The following IFT57 variants were observed in gnomAD, a reference collection of about 807,000 sequenced individuals.
IFT57 encodes the protein intraflagellar transport 57, also known as intraflagellar transport protein 57 homolog.
IFT57 carries 59 observed loss-of-function variants against 56.8 expected under a neutral mutation model. The ratio of observed to expected loss-of-function variants is 1.04; its 90% confidence interval spans 0.84 to 1.29. IFT57 has a LOEUF of 1.29. Among genes scored for constraint, IFT57 ranks in the 50% most tolerant of loss-of-function variants. The pLI, the probability that IFT57 is intolerant of heterozygous loss-of-function variation, is 0.00. For missense variants in IFT57, 470 were observed against 522.1 expected (o/e 0.90, Z 0.97); for synonymous variants, 209 against 186.1 (o/e 1.12, Z -1.00).
intron 6 of IFT57, among the ~76,000 whole-genome samples, chr3:108,188,803 G>T (rs1313542553): frequency 6.6e-6 from 1 of 152,176 alleles, no homozygotes; most frequent in South Asian, 2.1e-4. Context: ...TTGTAAAAGA[G>T]TGTGTGTTAG....
At chr3:108,192,174 C>CAA (rs11347289) in intron 5 of IFT57, among the ~76,000 whole-genome samples, 177 of 74,606 alleles carry the variant, frequency 2.4e-3, no homozygotes, top group East Asian at 3.6e-3. Flanking sequence ...GACTCTGTCT[C>CAA]AAAAAAAAAA....
At chr3:108,186,599 T>C (rs775964824) in intron 6 of IFT57, among the ~76,000 whole-genome samples, 14 of 152,114 alleles carry the variant, frequency 9.2e-5, no homozygotes, top group Non-Finnish European at 1.9e-4. Flanking sequence ...TTAAACCAAA[T>C]TGCGGAAGAA....
intron 6 of IFT57, among the ~76,000 whole-genome samples, chr3:108,182,975 G>C (rs17829572): frequency 0.08 from 12,147 of 152,094 alleles, 587 homozygotes; most frequent in Middle Eastern, 0.11. Flanking sequence ...ATTAAAGCAT[G>C]TTAGAACATT....
In IFT57 at chr3:108,165,550, C is replaced by T. The variant is rs113181529; in HGVS notation, c.982-57G>A. 7.3e-5 allele frequency: 98 copies of T among 1,340,440 alleles called. 1 individual carries two copies. The highest frequency in any genetic ancestry group is 7.1e-4 in the East Asian group (31 of 43,468). 83.0% of individuals were successfully genotyped at this position (1,340,440 alleles called of 1,614,324 possible). On this transcript the variant is annotated intron_variant, in intron 8 of 10. Transcript: ENST00000264538. The stretch of plus-strand genomic sequence containing the variant: ...ATTCAAAGCAGCAGCAGATTAAATA[C>T]GACTGACCTCTTTGTGTTTGCAATT...
intron 6 of IFT57, among the ~76,000 whole-genome samples, chr3:108,188,995 C>A (rs1333573042): frequency 6.6e-6 from 1 of 152,080 alleles, no homozygotes; most frequent in Non-Finnish European, 1.5e-5. Flanking sequence ...TCCAACTATA[C>A]AATTATTTTA....
At position 108,214,155 on chromosome 3, in the gene IFT57, T is replaced by C. The variant is rs776102295; in HGVS notation, c.495-134A>G. On this transcript the variant is annotated intron_variant, in intron 3 of 10. Coordinates refer to ENST00000264538, the MANE Select transcript of IFT57 (RefSeq NM_018010.4). ...CCGCTTCCATAATCACTGTTAAATGTTTCATGTATTTTTCCTAAAACTTTC... is the reference window on the plus strand; with the variant it reads ...CCGCTTCCATAATCACTGTTAAATGCTTCATGTATTTTTCCTAAAACTTTC... 127 of 539,908 alleles carry C rather than the reference T, an allele frequency of 2.4e-4. 1 individual carries two copies. The highest frequency in any genetic ancestry group is 3.7e-4 in the Non-Finnish European group (115 of 310,024). The allele number at this position is 539,908 out of a possible 1,614,324, so 33.4% of individuals were successfully genotyped here. A position where few individuals can be genotyped will look rare whatever the true frequency, so the allele number is the denominator to read the frequency against.
chr3:108,203,050 A>C (rs1186283936), intron 5 of IFT57, among the ~76,000 whole-genome samples: 5 of 152,254 alleles, frequency 3.3e-5, no homozygotes, highest in Admixed American at 3.3e-4. Flanking sequence ...CTTTCAAGGA[A>C]GATCTTGCTG....
intron 6 of IFT57, among the ~76,000 whole-genome samples, chr3:108,184,848 G>A (rs749157762): frequency 6.6e-6 from 1 of 152,074 alleles, no homozygotes; most frequent in Non-Finnish European, 1.5e-5. Context: ...TTCATGTTTA[G>A]TGCAATATCT....
intron 6 of IFT57, among the ~76,000 whole-genome samples, chr3:108,173,194 A>G (rs1370760972): frequency 3.3e-5 from 5 of 151,878 alleles, no homozygotes; most frequent in Non-Finnish European, 1.5e-5. Flanking sequence ...TACTGTTTTT[A>G]TAAATCTGGA....
chr3:108,201,038 A>AT (rs1230367721), intron 5 of IFT57, among the ~76,000 whole-genome samples: 1 of 152,212 alleles, frequency 6.6e-6, no homozygotes, highest in Non-Finnish European at 1.5e-5. Flanking sequence ...AGGTTAGGTT[A>AT]TAATAATCTC....
rs1178668023 is a variant in IFT57, at chr3:108,161,136, G to A, written c.*1341C>T. ...CCAGGACCAAAGGTTTTCAGTTTTTGTATTAGACTCCTCCCAAAGACCACA... is the reference window on the plus strand; with the variant it reads ...CCAGGACCAAAGGTTTTCAGTTTTTATATTAGACTCCTCCCAAAGACCACA... On this transcript the variant is annotated 3_prime_UTR_variant, in exon 11 of 11. Coordinates refer to ENST00000264538, the MANE Select transcript of IFT57 (RefSeq NM_018010.4). The A allele has an allele frequency of 6.6e-6, 1 of 151,924 alleles. No homozygotes were observed. Among genetic ancestry groups the A allele is most frequent in the Non-Finnish European group, 1.5e-5 (1 of 67,972 alleles). 9.4% of individuals were successfully genotyped at this position (151,924 alleles called of 1,614,324 possible). A position where few individuals can be genotyped will look rare whatever the true frequency, so the allele number is the denominator to read the frequency against.
chr3:108,221,404 T>C (rs1277154516), intron 1 of IFT57, among the ~76,000 whole-genome samples: 4 of 152,234 alleles, frequency 2.6e-5, no homozygotes. Flanking sequence ...AGTAATGGCA[T>C]TGCTTTCAGG....
At chr3:108,170,823 A>G (rs933386831) in intron 6 of IFT57, among the ~76,000 whole-genome samples, 1 of 152,046 alleles carries the variant, frequency 6.6e-6, no homozygotes, top group Non-Finnish European at 1.5e-5. Flanking sequence ...AATGGAACAG[A>G]ATAGAGACCT....
chr3:108,167,373 G>T (rs1223453289), intron 7 of IFT57, among the ~76,000 whole-genome samples: 1 of 151,786 alleles, frequency 6.6e-6, no homozygotes, highest in Admixed American at 6.6e-5. Context: ...CTCTAGCCTG[G>T]GACACATAAC....
chr3:108,191,042 C>T (rs112298478), intron 6 of IFT57, among the ~76,000 whole-genome samples: 2 of 152,286 alleles, frequency 1.3e-5, no homozygotes, highest in Admixed American at 6.5e-5. Flanking sequence ...TTGCCCACCT[C>T]GGCCTCCCAA....
intron 5 of IFT57, among the ~76,000 whole-genome samples, chr3:108,196,614 A>T (rs1281284482): frequency 6.6e-6 from 1 of 152,216 alleles, no homozygotes; most frequent in Non-Finnish European, 1.5e-5. Flanking sequence ...TCCCTTAAGC[A>T]ACGATTTGCT....
chr3:108,218,553 A>G lies in IFT57; in HGVS notation c.476T>C (p.Ile159Thr), dbSNP rs778369089. 4 of 1,540,796 alleles carry G rather than the reference A, an allele frequency of 2.6e-6. No individual in the cohort carries two copies. In the South Asian group the frequency reaches 3.7e-5, roughly 14 times the overall value. The change falls in exon 3 of 11, where the codon ATT (isoleucine) becomes ACT (threonine). Residue 159 changes from isoleucine to threonine, a missense_variant. By Grantham distance (89) the Ile-to-Thr change is moderately conservative (BLOSUM62 -1). Transcript: ENST00000264538. ...TTTTTACCTTTTCCAGGTGAAACCA[A>G]TATATTTCAATGCTTCTTCAGCGAA... Reference protein sequence around the residue: ...DCFAEEALKYIGFTWKRPIYP... With the variant: ...DCFAEEALKYTGFTWKRPIYP...
intron 6 of IFT57, among the ~76,000 whole-genome samples, chr3:108,168,803 G>A (rs189697184): frequency 3.5e-4 from 53 of 152,138 alleles, no homozygotes; most frequent in Admixed American, 1.1e-3. Context: ...CTTCATCCAT[G>A]TCCCTGCAAA....
intron 6 of IFT57, among the ~76,000 whole-genome samples, chr3:108,168,609 A>G (rs995767445): frequency 2.6e-5 from 4 of 151,746 alleles, no homozygotes; most frequent in Non-Finnish European, 5.9e-5. Flanking sequence ...TAAGCCCTGC[A>G]TGCATTAGGT....
Sources: allele counts gnomAD v4.1 joint callset (sites outside exome capture counted in the v4.1 genomes callset), GRCh38; gene constraint gnomAD v4.1.1; transcripts MANE v1.5; gene names NCBI Gene and HGNC (gene_info 2026-07-23, HGNC 2026-07-21).